Variants in SUPT3H observed in about 807,000 individuals in gnomAD.
SUPT3H encodes SPT3 homolog, SAGA and STAGA complex component.
A neutral mutation model predicts 44.3 loss-of-function variants in SUPT3H; 44 were observed. The observed-to-expected ratio is 0.99, with a 90% CI of 0.78 to 1.28. The LOEUF is 1.28. Ranked by LOEUF, SUPT3H falls within the 50% of genes most tolerant of loss-of-function variation. The pLI is 0.00. For synonymous variants in SUPT3H, 124 were observed against 125.6 expected (o/e 0.99, Z 0.09); for missense variants, 380 against 387.1 (o/e 0.98, Z 0.15).
chr6:44,883,922 A>T (rs1717286), intron 10 of SUPT3H, among the ~76,000 whole-genome samples: 3,096 of 152,140 alleles, frequency 0.02, 43 homozygotes, highest in Non-Finnish European at 0.033. Flanking sequence ...AAACCCTAGA[A>T]GAAAACCTAG....
At chr6:45,286,335 G>A (rs1170072228) in intron 2 of SUPT3H, among the ~76,000 whole-genome samples, 2 of 152,122 alleles carry the variant, frequency 1.3e-5, no homozygotes, top group African/African-American at 4.8e-5. Flanking sequence ...AAAAATTTTT[G>A]CAATCTACTC....
intron 2 of SUPT3H, among the ~76,000 whole-genome samples, chr6:45,356,185 T>G (rs1793133233): frequency 2.0e-5 from 3 of 152,142 alleles, no homozygotes; most frequent in Admixed American, 1.3e-4. Flanking sequence ...ACAACAACAT[T>G]TTTTTCAAAG....
chr6:45,071,564 G>A (rs1007220571), intron 3 of SUPT3H, among the ~76,000 whole-genome samples: 1 of 152,094 alleles, frequency 6.6e-6, no homozygotes, highest in African/African-American at 2.4e-5. Context: ...ATGTTCACAT[G>A]TCACCCAAGA....
At chr6:45,369,765 T>C (rs778655360) in intron 1 of SUPT3H, among the ~76,000 whole-genome samples, 43 of 152,292 alleles carry the variant, frequency 2.8e-4, no homozygotes, top group Admixed American at 5.9e-4. Flanking sequence ...AAATACATTA[T>C]AATGCAAGAG....
chr6:45,158,298 A>ATAT, intron 2 of SUPT3H, among the ~76,000 whole-genome samples: 8 of 99,688 alleles, frequency 8.0e-5, no homozygotes, highest in South Asian at 6.0e-4. Context: ...ATATATATAT[A>ATAT]TTTTTTTTTT....
rs73735301 is a variant in SUPT3H, at chr6:44,981,386, C to T, written c.505-19558G>A. 8.7e-3 allele frequency among the ~76,000 whole-genome samples: 1,320 copies of T among 152,178 alleles called. 24 individuals are homozygous for T. The highest frequency in any genetic ancestry group is 0.03 in the African/African-American group (1,243 of 41,518). The stretch of plus-strand genomic sequence containing the variant: ...AGAGAGATATGAATAAAGCAAATGA[C>T]ATTTAAGATATATTTGAAAAGGAAT... On this transcript the variant is annotated intron_variant, in intron 6 of 10. Transcript: ENST00000371459.
chr6:44,932,615 TTATAAA>T (rs752211772), intron 10 of SUPT3H, 32 bp downstream of exon 10: 16 of 1,424,042 alleles, frequency 1.1e-5, no homozygotes, highest in South Asian at 9.3e-5. Flanking sequence ...TTCTTTCATA[TTATAAA>T]TATAACTTTT....
chr6:45,164,278 T>A (rs1809500693), intron 2 of SUPT3H, among the ~76,000 whole-genome samples: 1 of 152,170 alleles, frequency 6.6e-6, no homozygotes, highest in South Asian at 2.1e-4. Context: ...TTCTCTTTTG[T>A]TAAATAAAGA....
intron 2 of SUPT3H, among the ~76,000 whole-genome samples, chr6:45,361,333 C>A (rs183644564): frequency 6.6e-6 from 1 of 151,934 alleles, no homozygotes; most frequent in Non-Finnish European, 1.5e-5. Context: ...TTTTTAAAAA[C>A]GTGGTGACAT....
intron 3 of SUPT3H, among the ~76,000 whole-genome samples, chr6:45,081,318 C>G (rs1795781309): frequency 6.6e-6 from 1 of 152,016 alleles, no homozygotes; most frequent in South Asian, 2.1e-4. Context: ...TACCTTTATA[C>G]TCCCTGTTAA....
intron 2 of SUPT3H, among the ~76,000 whole-genome samples, chr6:45,281,781 G>C (rs1184940743): frequency 6.6e-6 from 1 of 152,184 alleles, no homozygotes; most frequent in African/African-American, 2.4e-5. Context: ...AGAACAGACA[G>C]ACTGCCTCCT....
chr6:44,952,830 G>T (rs1774512917), intron 9 of SUPT3H, among the ~76,000 whole-genome samples: 1 of 152,020 alleles, frequency 6.6e-6, no homozygotes, highest in Non-Finnish European at 1.5e-5. Context: ...ACATAGTAGG[G>T]GCAATCTAAA....
chr6:45,340,385 A>G (rs1303290682), intron 2 of SUPT3H, among the ~76,000 whole-genome samples: 1 of 152,162 alleles, frequency 6.6e-6, no homozygotes, highest in Admixed American at 6.5e-5. Context: ...GTGCACTGGC[A>G]TGATCACAGC....
At chr6:45,026,130 GTCTA>G (rs1785964767) in intron 3 of SUPT3H, among the ~76,000 whole-genome samples, 3 of 152,092 alleles carry the variant, frequency 2.0e-5, no homozygotes, top group Non-Finnish European at 2.9e-5. Context: ...CCCTCTATTA[GTCTA>G]TCTATTATGC....
chr6:45,047,306 G>C (rs1789555427), intron 3 of SUPT3H, among the ~76,000 whole-genome samples: 1 of 152,176 alleles, frequency 6.6e-6, no homozygotes, highest in African/African-American at 2.4e-5. Context: ...ATTCAGTCTT[G>C]AGCTTTACTA....
chr6:44,923,638 T>A (rs577255002), intron 10 of SUPT3H, among the ~76,000 whole-genome samples: 39 of 152,082 alleles, frequency 2.6e-4, no homozygotes, highest in African/African-American at 8.4e-4. Context: ...GTAAAATGTG[T>A]TTGAACAGTC....
At position 44,967,998 on chromosome 6, in the gene SUPT3H, GC is replaced by G. The variant is rs562870963; in HGVS notation, c.505-6171del. Among the ~76,000 whole-genome samples the G allele has an allele frequency of 9.4e-3, 1,437 of 152,096 alleles. 16 individuals are homozygous for G. The highest frequency in any genetic ancestry group is 0.014 in the Non-Finnish European group (933 of 67,974). On this transcript the variant is annotated intron_variant, in intron 6 of 10. Coordinates refer to ENST00000371459, the MANE Select transcript of SUPT3H (RefSeq NM_003599.4). ...ATAGAGATGAGATCTCTATAAAATT[GC>G]CCAGGCTGGTCTTGAATTCCTGGCC...
intron 4 of SUPT3H, among the ~76,000 whole-genome samples, chr6:45,019,218 T>C (rs1471598085): frequency 2.0e-5 from 3 of 152,160 alleles, no homozygotes; most frequent in African/African-American, 7.2e-5. Context: ...TTTTATTATG[T>C]CTATTTGATT....
intron 10 of SUPT3H, among the ~76,000 whole-genome samples, chr6:44,854,116 T>C (rs1421530410): frequency 1.3e-5 from 2 of 152,114 alleles, no homozygotes; most frequent in Non-Finnish European, 2.9e-5. Context: ...ATTCAGTCAT[T>C]TAAACAGATG....
Sources: allele counts gnomAD v4.1 joint callset (sites outside exome capture counted in the v4.1 genomes callset), GRCh38; gene constraint gnomAD v4.1.1; transcripts MANE v1.5; gene names NCBI Gene and HGNC (gene_info 2026-07-23, HGNC 2026-07-21).